The following RBFOX1 variants were observed in gnomAD, a reference collection of about 807,000 sequenced individuals.
The protein encoded by RBFOX1 is RNA binding fox-1 homolog 1.
Under a neutral mutation model 57.7 loss-of-function variants are expected in RBFOX1, and 8 were observed. The observed-to-expected ratio is 0.14, with a 90% CI of 0.08 to 0.25. The LOEUF (loss-of-function observed/expected upper bound fraction) is 0.25. RBFOX1 is among the 10% of genes least tolerant of loss of function. RBFOX1 has a pLI of 1.00. For missense variants in RBFOX1, 611 were observed against 548.5 expected, an observed-to-expected ratio of 1.11 and a Z score of -1.14; for synonymous variants, 326 against 222.4, an observed-to-expected ratio of 1.47 and a Z score of -4.15.
At chr16:6,702,006 C>T (rs1187785836) in intron 3 of RBFOX1, among the ~76,000 whole-genome samples, 1 of 152,088 alleles carries the variant, frequency 6.6e-6, no homozygotes, top group Non-Finnish European at 1.5e-5. Context: ...ATGCTTATTA[C>T]CTGGGTGACA....
chr16:6,695,094 T>C (rs1411772395), intron 3 of RBFOX1, among the ~76,000 whole-genome samples: 2 of 151,996 alleles, frequency 1.3e-5, no homozygotes, highest in Non-Finnish European at 2.9e-5. Flanking sequence ...AGAAAGCCCT[T>C]GTCCCAGTGA....
chr16:6,239,568 G>A (rs898533662), intron 1 of RBFOX1, among the ~76,000 whole-genome samples: 3 of 129,810 alleles, frequency 2.3e-5, no homozygotes, highest in East Asian at 5.2e-4. Context: ...GCACAACCTC[G>A]GCTTACTGCA....
chr16:6,786,888 C>G (rs1389518109), intron 3 of RBFOX1, among the ~76,000 whole-genome samples: 1 of 131,108 alleles, frequency 7.6e-6, no homozygotes, highest in Non-Finnish European at 1.6e-5. Context: ...AATTGCTTAG[C>G]CGGCAGGCTT....
chr16:6,375,187 G>A (rs1401892011), intron 2 of RBFOX1, among the ~76,000 whole-genome samples: 1 of 152,078 alleles, frequency 6.6e-6, no homozygotes, highest in Admixed American at 6.6e-5. Context: ...AACACCAACT[G>A]CAAGAGGGTA....
chr16:6,948,949 C>T (rs1000248375), intron 3 of RBFOX1, among the ~76,000 whole-genome samples: 7 of 151,778 alleles, frequency 4.6e-5, no homozygotes, highest in East Asian at 1.9e-4. Flanking sequence ...GTTGTGTGGA[C>T]GAGTTGGGTT....
chr16:6,620,401 T>C (rs1185814329), intron 2 of RBFOX1, among the ~76,000 whole-genome samples: 1 of 151,960 alleles, frequency 6.6e-6, no homozygotes, highest in Non-Finnish European at 1.5e-5. Flanking sequence ...GTTAGAAAGA[T>C]CTCAAGGTAA....
At chr16:7,207,873 G>A (rs187499816) in intron 4 of RBFOX1, among the ~76,000 whole-genome samples, 8 of 152,302 alleles carry the variant, frequency 5.3e-5, no homozygotes, top group African/African-American at 1.4e-4. Flanking sequence ...GAGCTAAGGA[G>A]AAGATAAATG....
At chr16:7,705,261 C>T (rs778108492) in intron 14 of RBFOX1, among the ~76,000 whole-genome samples, 21 of 152,056 alleles carry the variant, frequency 1.4e-4, no homozygotes, top group Non-Finnish European at 2.2e-4. Flanking sequence ...AATCCCAGCA[C>T]TTTGGGAGGC....
intron 3 of RBFOX1, chr16:6,983,776 G>A (rs2089572013): frequency 6.6e-6 from 1 of 152,414 alleles, no homozygotes; most frequent in Admixed American, 6.6e-5. Context: ...GGCTGCTGTA[G>A]GTTGCATGCA....
At chr16:7,347,646 A>C (rs1013091187) in intron 4 of RBFOX1, among the ~76,000 whole-genome samples, 1 of 152,198 alleles carries the variant, frequency 6.6e-6, no homozygotes, top group Non-Finnish European at 1.5e-5. Flanking sequence ...CTGTCACACT[A>C]CTGTGACTCA....
chr16:7,525,618 CTG>C (rs1361266896), intron 5 of RBFOX1, among the ~76,000 whole-genome samples: 7 of 152,136 alleles, frequency 4.6e-5, no homozygotes, highest in Non-Finnish European at 1.0e-4. Flanking sequence ...CCTGCGGACT[CTG>C]TGTGTTTGGG....
At chr16:5,411,984 C>T (rs1050528715) in intron 1 of RBFOX1, among the ~76,000 whole-genome samples, 2 of 152,200 alleles carry the variant, frequency 1.3e-5, no homozygotes, top group African/African-American at 4.8e-5. Context: ...CTATTCTTAT[C>T]TGTTTAATAT....
At chr16:7,083,928 A>C (rs1344420464) in intron 4 of RBFOX1, among the ~76,000 whole-genome samples, 1 of 152,062 alleles carries the variant, frequency 6.6e-6, no homozygotes, top group African/African-American at 2.4e-5. Flanking sequence ...CTGCCCACCT[A>C]GAGGTACCAT....
chr16:7,264,716 A>G (rs112401721), intron 4 of RBFOX1, among the ~76,000 whole-genome samples: 4,401 of 152,276 alleles, frequency 0.029, 99 homozygotes, highest in Middle Eastern at 0.061. Context: ...TTTTTTTTAA[A>G]AAAATGTAAT....
chr16:6,886,065 T>C (rs1379143612), intron 3 of RBFOX1, among the ~76,000 whole-genome samples: 3 of 146,884 alleles, frequency 2.0e-5, no homozygotes, highest in African/African-American at 7.7e-5. Context: ...ATTTTTTTTT[T>C]CTTTTTTTTT....
intron 3 of RBFOX1, among the ~76,000 whole-genome samples, chr16:5,740,830 G>A (rs1025889044): frequency 5.3e-5 from 8 of 152,042 alleles, no homozygotes; most frequent in East Asian, 3.9e-4. Context: ...GTCTTGTGGC[G>A]TCTCCTTGTC....
chr16:7,375,410 A>G (rs1191347267), intron 4 of RBFOX1, among the ~76,000 whole-genome samples: 1 of 152,224 alleles, frequency 6.6e-6, no homozygotes. Flanking sequence ...TTATGGTGGT[A>G]AGAGTATAAA....
At chr16:6,829,435 G>A (rs1475448779) in intron 3 of RBFOX1, among the ~76,000 whole-genome samples, 1 of 150,208 alleles carries the variant, frequency 6.7e-6, no homozygotes, top group Non-Finnish European at 1.5e-5. Context: ...TAGATTTCTT[G>A]GGTAAGTTTT....
chr16:6,020,006 G>A lies in RBFOX1; in HGVS notation c.-127+14G>A. The stretch of plus-strand genomic sequence containing the variant: ...CGGGAGTTCTAGGTAAGTCCAGGCG[G>A]AGTCATTGCCTCTGCACCCACCCTG... On this transcript the variant is annotated intron_variant, in intron 1 of 15. Transcript: ENST00000550418. The A allele has an allele frequency of 6.6e-7, 1 of 1,513,616 alleles. No individual in the cohort carries two copies. Among genetic ancestry groups the A allele is most frequent in the African/African-American group, 1.4e-5 (1 of 72,534 alleles). The allele number at this position is 1,513,616 out of a possible 1,614,324, so 93.8% of individuals were successfully genotyped here.
Sources: gnomAD v4.1 joint callset for allele counts (sites outside exome capture counted in the v4.1 genomes callset) on GRCh38, gnomAD v4.1.1 for gene constraint, MANE v1.5 for transcripts, NCBI Gene and HGNC (gene_info 2026-07-23, HGNC 2026-07-21) for gene names.